GARNL3: variants seen among roughly 807,000 people sequenced by gnomAD.
GARNL3 encodes GTPase-activating Rap/Ran-GAP domain-like protein 3.
GARNL3 carries 63 observed loss-of-function variants against 125.0 expected under a neutral mutation model. The observed-to-expected ratio is 0.50, with a 90% CI of 0.41 to 0.62. GARNL3 has a LOEUF of 0.62. Among genes scored for constraint, GARNL3 ranks in the 20% least tolerant of loss-of-function variants. The pLI, the probability that GARNL3 is intolerant of heterozygous loss-of-function variation, is 0.00. For missense variants in GARNL3, 994 were observed against 1,244.0 expected (o/e 0.80, Z 3.02); for synonymous variants, 439 against 457.5 (o/e 0.96, Z 0.52).
chr9:127,227,180 A>T (rs537428506), intron 1 of GARNL3, among the ~76,000 whole-genome samples: 36 of 152,222 alleles, frequency 2.4e-4, no homozygotes, highest in Non-Finnish European at 4.3e-4. Flanking sequence ...CTTTGTCTTC[A>T]TAACCTTACA....
chr9:127,378,131 C>T (rs969520090), intron 22 of GARNL3, among the ~76,000 whole-genome samples: 1 of 151,378 alleles, frequency 6.6e-6, no homozygotes, highest in South Asian at 2.1e-4. Context: ...ATCCCAGCTA[C>T]TCAGGAGGCC....
chr9:127,275,457 T>A (rs76951050), intron 1 of GARNL3, among the ~76,000 whole-genome samples: 1,814 of 152,358 alleles, frequency 0.012, 39 homozygotes, highest in East Asian at 0.086. Flanking sequence ...ATTTGAGGCT[T>A]CATCAAAGTC....
At chr9:127,368,627 A>G (rs1458270255) in intron 22 of GARNL3, among the ~76,000 whole-genome samples, 2 of 145,856 alleles carry the variant, frequency 1.4e-5, no homozygotes, top group Non-Finnish European at 3.0e-5. Flanking sequence ...CACTGTGCCC[A>G]CCCCGAAATG....
intron 1 of GARNL3, among the ~76,000 whole-genome samples, chr9:127,282,350 A>G (rs1224778713): frequency 6.6e-6 from 1 of 152,228 alleles, no homozygotes; most frequent in Non-Finnish European, 1.5e-5. Flanking sequence ...ATATTATAGC[A>G]TTATAACATT....
At chr9:127,260,794 C>T (rs187562899), upstream of GARNL3, among the ~76,000 whole-genome samples, 61 of 152,294 alleles carry the variant, frequency 4.0e-4, 1 homozygote, top group Admixed American at 4.0e-3. Context: ...CTGACAACCC[C>T]TGTTTGTGGA....
At chr9:127,304,530 C>CTTTTTT (rs61493807) in intron 2 of GARNL3, among the ~76,000 whole-genome samples, 34 of 99,248 alleles carry the variant, frequency 3.4e-4, no homozygotes, top group South Asian at 8.4e-4. Context: ...TGGCTTTATT[C>CTTTTTT]TTTTTTTTTT....
rs546660675 is a variant in GARNL3 at position 127,335,171 on chromosome 9, A to G, written c.770-59A>G. On this transcript the variant is annotated intron_variant, in intron 9 of 27. Coordinates refer to ENST00000373387, the MANE Select transcript of GARNL3 (RefSeq NM_032293.5). ...GTATTTCCCTAGTCTGCAAATGAAA[A>G]TGCTTTCCTTTTGGCTCGAATTCTC... The G allele has an allele frequency of 6.0e-4, 698 of 1,173,016 alleles. 1 individual carries two copies. The highest frequency in any genetic ancestry group is 8.1e-4 in the Non-Finnish European group (629 of 778,634). 72.7% of individuals were successfully genotyped at this position (1,173,016 alleles called of 1,614,324 possible). A position where few individuals can be genotyped will look rare whatever the true frequency, so the allele number is the denominator to read the frequency against.
intron 2 of GARNL3, among the ~76,000 whole-genome samples, chr9:127,246,635 G>A (rs1268344165): frequency 2.0e-5 from 3 of 152,052 alleles, no homozygotes; most frequent in Non-Finnish European, 2.9e-5. Flanking sequence ...GTGAAACCCC[G>A]TCTCTACTAA....
At chr9:127,302,590 CA>C (rs1300460416) in intron 2 of GARNL3, among the ~76,000 whole-genome samples, 3 of 151,722 alleles carry the variant, frequency 2.0e-5, no homozygotes, top group Admixed American at 6.6e-5. Context: ...TTCTTAAAAA[CA>C]AAAAAATGGG....
chr9:127,343,253 A>G (rs1387436297), intron 14 of GARNL3, among the ~76,000 whole-genome samples: 17 of 151,966 alleles, frequency 1.1e-4, no homozygotes, highest in Admixed American at 9.8e-4. Context: ...GTGTACCCCA[A>G]CCACTCGCAG....
chr9:127,256,748 C>T (rs898768127), intron 2 of GARNL3, among the ~76,000 whole-genome samples: 4 of 152,218 alleles, frequency 2.6e-5, no homozygotes, highest in Non-Finnish European at 5.9e-5. Flanking sequence ...GTACCCTTTA[C>T]CAGGTTTCCC....
At chr9:127,228,061 A>G (rs2062944203) in intron 1 of GARNL3, among the ~76,000 whole-genome samples, 2 of 152,266 alleles carry the variant, frequency 1.3e-5, no homozygotes, top group Non-Finnish European at 2.9e-5. Context: ...ATGTATGTGT[A>G]TATTTATATT....
intron 22 of GARNL3, among the ~76,000 whole-genome samples, chr9:127,377,743 G>T (rs974074108): frequency 2.1e-4 from 31 of 148,112 alleles, no homozygotes; most frequent in Non-Finnish European, 4.4e-4. Context: ...AGCTGAGATC[G>T]TGCCATTGCA....
chr9:127,376,582 C>CTT (rs1269650946), intron 22 of GARNL3, among the ~76,000 whole-genome samples: 1 of 145,462 alleles, frequency 6.9e-6, no homozygotes, highest in Non-Finnish European at 1.6e-5. Context: ...GGACAGCTTT[C>CTT]TTTCTTTCTT....
intron 22 of GARNL3, among the ~76,000 whole-genome samples, chr9:127,378,058 T>G (rs1255450766): frequency 1.3e-5 from 2 of 151,568 alleles, no homozygotes; most frequent in Non-Finnish European, 2.9e-5. Context: ...CTGGCCAACA[T>G]GGTAAACCCA....
intron 7 of GARNL3, among the ~76,000 whole-genome samples, chr9:127,325,903 ATC>A (rs768019808): frequency 1.7e-4 from 26 of 152,266 alleles, no homozygotes; most frequent in Middle Eastern, 3.4e-3. Flanking sequence ...GAATCGGGTC[ATC>A]TCTCTGCTCA....
chr9:127,332,262 T>C lies in GARNL3; in HGVS notation c.595-12T>C. On this transcript the variant is annotated splice_polypyrimidine_tract_variant and intron_variant, in intron 7 of 27. Coordinates refer to ENST00000373387, the MANE Select transcript of GARNL3 (RefSeq NM_032293.5). ...TAAAATTAACTGTAACACCTTTTGT[T>C]ATTATCCTAAGGGCTCTGTGAATTT... 2 of 1,606,090 alleles carry C rather than the reference T, an allele frequency of 1.2e-6. No homozygotes were observed. The highest frequency in any genetic ancestry group is 1.7e-6 in the Non-Finnish European group (2 of 1,172,830).
intron 22 of GARNL3, among the ~76,000 whole-genome samples, chr9:127,372,464 T>C (rs1225741610): frequency 6.6e-6 from 1 of 152,256 alleles, no homozygotes; most frequent in Non-Finnish European, 1.5e-5. Flanking sequence ...CATAATGATA[T>C]CTGACTTGTA....
intron 10 of GARNL3, 119 bp downstream of exon 10, chr9:127,335,452 T>C: frequency 2.6e-6 from 2 of 773,564 alleles, no homozygotes; most frequent in African/African-American, 1.7e-5. Context: ...GGCCACCAAT[T>C]TAGGGATGCT....
Sources: allele counts gnomAD v4.1 joint callset (sites outside exome capture counted in the v4.1 genomes callset), GRCh38; gene constraint gnomAD v4.1.1; transcripts MANE v1.5; gene names NCBI Gene and HGNC (gene_info 2026-07-23, HGNC 2026-07-21).